Variants in NPAS3 observed in about 807,000 individuals in gnomAD.
The protein encoded by NPAS3 is neuronal PAS domain protein 3.
Under a neutral mutation model 73.1 loss-of-function variants are expected in NPAS3, and 14 were observed. That is an observed-to-expected ratio of 0.19 (90% CI 0.13 to 0.30). The LOEUF is 0.30. NPAS3 is among the 10% of genes least tolerant of loss of function. The probability of loss-of-function intolerance (pLI) is 1.00; values close to 1 mark genes in which losing one functional copy is unlikely to be tolerated. For missense variants in NPAS3, 1,096 were observed against 1,250.0 expected (o/e 0.88, Z 1.86); for synonymous variants, 620 against 541.5 (o/e 1.14, Z -2.01).
At chr14:33,681,511 T>A (rs1436021327) in intron 6 of NPAS3, among the ~76,000 whole-genome samples, 1 of 152,190 alleles carries the variant, frequency 6.6e-6, no homozygotes, top group Non-Finnish European at 1.5e-5. Context: ...GTTAATAATG[T>A]CACTCCAGTT....
At chr14:33,424,980 A>T (rs894983556) in intron 4 of NPAS3, among the ~76,000 whole-genome samples, 1 of 151,978 alleles carries the variant, frequency 6.6e-6, no homozygotes, top group African/African-American at 2.4e-5. Flanking sequence ...CTACTTAAAG[A>T]TTGTGGGAAA....
chr14:33,068,893 A>C (rs1414798427), intron 2 of NPAS3, among the ~76,000 whole-genome samples: 1 of 152,084 alleles, frequency 6.6e-6, no homozygotes, highest in East Asian at 1.9e-4. Flanking sequence ...CTGAATGAGC[A>C]AGGAGGACAG....
intron 4 of NPAS3, among the ~76,000 whole-genome samples, chr14:33,469,300 A>C (rs1490028056): frequency 7.3e-6 from 1 of 137,878 alleles, no homozygotes; most frequent in African/African-American, 2.6e-5. Context: ...GTTTTCTTTA[A>C]AAAAAAAAAA....
At chr14:33,709,280 G>A (rs147281433) in intron 6 of NPAS3, among the ~76,000 whole-genome samples, 187 of 152,278 alleles carry the variant, frequency 1.2e-3, no homozygotes, top group African/African-American at 4.1e-3. Flanking sequence ...ATGAATAGGA[G>A]GTTAATCAGC....
intron 4 of NPAS3, among the ~76,000 whole-genome samples, chr14:33,388,758 G>A (rs1234744242): frequency 6.6e-6 from 1 of 152,114 alleles, no homozygotes; most frequent in East Asian, 1.9e-4. Context: ...ACAGAGATAG[G>A]AAATGATAGA....
At chr14:33,734,074 T>C (rs1189068391) in intron 6 of NPAS3, among the ~76,000 whole-genome samples, 2 of 152,222 alleles carry the variant, frequency 1.3e-5, no homozygotes, top group East Asian at 3.8e-4. Context: ...TTTCTCTTGT[T>C]AATAACTGTT....
At chr14:33,317,972 C>T (rs12586818) in intron 3 of NPAS3, among the ~76,000 whole-genome samples, 2 of 151,908 alleles carry the variant, frequency 1.3e-5, no homozygotes, top group African/African-American at 2.4e-5. Flanking sequence ...GATCCATGAT[C>T]GAGCAACTCC....
At chr14:33,784,741 A>ATTTATTTATTT (rs1555333492) in intron 9 of NPAS3, among the ~76,000 whole-genome samples, 3 of 72,770 alleles carry the variant, frequency 4.1e-5, no homozygotes, top group Non-Finnish European at 7.4e-5. Context: ...TTATTTATTT[A>ATTTATTTATTT]TTTATTTTTT....
Position 33,793,886 on chromosome 14 carries a change from T to C in NPAS3, c.1154-11T>C, listed in dbSNP as rs778267090. The stretch of plus-strand genomic sequence containing the variant: ...TTAATACAATGCCTCTGTTTTGTTT[T>C]TTTTCGCCAGTGCTGAATAAGGGTC... On this transcript the variant is annotated splice_polypyrimidine_tract_variant and intron_variant, in intron 9 of 11. Transcript: ENST00000356141. 1.2e-6 allele frequency: 2 copies of C among 1,606,350 alleles called. No individual in the cohort carries two copies. The highest frequency in any genetic ancestry group is 1.7e-6 in the Non-Finnish European group (2 of 1,177,280).
At chr14:33,232,850 T>C (rs932168292) in intron 3 of NPAS3, among the ~76,000 whole-genome samples, 3 of 150,482 alleles carry the variant, frequency 2.0e-5, no homozygotes, top group African/African-American at 7.3e-5. Context: ...GCAAAGCAGA[T>C]ATTTAAGTAC....
chr14:33,340,958 A>T (rs2044450454), intron 3 of NPAS3, among the ~76,000 whole-genome samples: 1 of 152,262 alleles, frequency 6.6e-6, no homozygotes, highest in Non-Finnish European at 1.5e-5. Flanking sequence ...AACACAAAAA[A>T]GAACAAACAA....
chr14:33,667,748 C>T (rs2059494727), intron 5 of NPAS3, among the ~76,000 whole-genome samples: 1 of 152,078 alleles, frequency 6.6e-6, no homozygotes, highest in African/African-American at 2.4e-5. Flanking sequence ...ATGGTGCACA[C>T]ATGGTATTCG....
intron 2 of NPAS3, among the ~76,000 whole-genome samples, chr14:33,194,631 G>T (rs2046285589): frequency 6.6e-6 from 1 of 152,026 alleles, no homozygotes; most frequent in Non-Finnish European, 1.5e-5. Flanking sequence ...GTTGTTTGTG[G>T]TTATAATAAG....
chr14:33,419,752 C>T (rs900654632), intron 4 of NPAS3, among the ~76,000 whole-genome samples: 2 of 151,794 alleles, frequency 1.3e-5, no homozygotes, highest in Non-Finnish European at 2.9e-5. Flanking sequence ...TTACGATAAT[C>T]TGGTTTGTCT....
At chr14:33,352,260 T>C (rs1040381535) in intron 3 of NPAS3, among the ~76,000 whole-genome samples, 1 of 152,202 alleles carries the variant, frequency 6.6e-6, no homozygotes, top group African/African-American at 2.4e-5. Context: ...TCTGAGACTT[T>C]TCTAACTGGC....
rs2058716531 is a variant in NPAS3, at chr14:33,642,995, T to C, written c.559-33216T>C. Among the ~76,000 whole-genome samples, 4 of 152,192 alleles carry C rather than the reference T, an allele frequency of 2.6e-5. No homozygotes were observed. In the South Asian group the frequency reaches 8.3e-4, roughly 32 times the overall value. On this transcript the variant is annotated intron_variant, in intron 5 of 11. Transcript: ENST00000356141. ...GGATCAGAGAAATGGCTTTTATCTA[T>C]AAGCCTTGTCATCTCCTCTCGCAAT...
intron 4 of NPAS3, among the ~76,000 whole-genome samples, chr14:33,417,415 ATGTTGGTATTGCATGACACAGGG>A (rs2048191390): frequency 1.3e-5 from 2 of 152,026 alleles, no homozygotes; most frequent in South Asian, 4.1e-4. Context: ...TCAGAATTTG[ATGTTGGTATTGCATGACACAGGG>A]TGTCGTTATT....
At chr14:33,018,663 T>C (rs1439187672) in intron 1 of NPAS3, among the ~76,000 whole-genome samples, 1 of 152,236 alleles carries the variant, frequency 6.6e-6, no homozygotes, top group Non-Finnish European at 1.5e-5. Flanking sequence ...ATAAGAAATA[T>C]ATTTTTCATT....
chr14:33,521,080 C>T (rs543109212), intron 4 of NPAS3, among the ~76,000 whole-genome samples: 32 of 152,184 alleles, frequency 2.1e-4, no homozygotes, highest in African/African-American at 7.7e-4. Context: ...CTGCTTTTTC[C>T]TTCAAATAAC....
Sources: gnomAD v4.1 joint callset for allele counts (sites outside exome capture counted in the v4.1 genomes callset) on GRCh38, gnomAD v4.1.1 for gene constraint, MANE v1.5 for transcripts, NCBI Gene and HGNC (gene_info 2026-07-23, HGNC 2026-07-21) for gene names.